CARS1: variants seen among roughly 807,000 people sequenced by gnomAD.
CARS1 encodes cysteinyl-tRNA synthetase 1, also known as cysteine--tRNA ligase, cytoplasmic.
A neutral mutation model predicts 106.2 loss-of-function variants in CARS1; 48 were observed. The observed-to-expected ratio is 0.45, with a 90% CI of 0.36 to 0.57. The LOEUF is 0.57. CARS1 is among the 20% of genes least tolerant of loss of function. The pLI, the probability that CARS1 is intolerant of heterozygous loss-of-function variation, is 0.00. For missense variants in CARS1, 968 were observed against 1,057.2 expected (o/e 0.92, Z 1.17); for synonymous variants, 409 against 403.4 (o/e 1.01, Z -0.17).
Position 3,039,862 on chromosome 11 carries a change from G to T in CARS1, c.525C>A (p.Cys175Ter). 1 of 1,568,536 alleles carries T rather than the reference G, an allele frequency of 6.4e-7. No homozygotes were observed. The highest frequency in any genetic ancestry group is 8.7e-7 in the Non-Finnish European group (1 of 1,150,052). The change falls in exon 5 of 23, where the codon TGC (cysteine) becomes TGA (stop). Residue 175 changes from cysteine to a stop codon, truncating the protein, a stop_gained. Transcript: ENST00000380525. LOFTEE classifies it high-confidence loss of function. This position sits in a 1 kb window ranked among gnomAD's most constrained non-coding sequence, Gnocchi z 5.6. Reference sequence around the variant, plus strand: ...TGTCATCAATATCCGTAATGTTCATGCAATAAAAGACATCAAATTTGAAGT... The same window carrying T: ...TGTCATCAATATCCGTAATGTTCATTCAATAAAAGACATCAAATTTGAAGT... ...KDYFKFDVFY[C>*]MNITDIDDKI...
chr11:3,005,517 G>C, intron 19 of CARS1, 84 bp from the exon 20 acceptor site: 1 of 1,054,520 alleles, frequency 9.5e-7, no homozygotes, highest in Admixed American at 2.0e-5. Flanking sequence ...GCCCTGCCCT[G>C]CCCAGACCAT....
chr11:3,042,032 A>T lies in CARS1; in HGVS notation c.366+133T>A, dbSNP rs1044838870. ...AACATGGAAGTGACTGAAGGATCTT[A>T]AACCTGGATTTATGGAACTCCAGAT... On this transcript the variant is annotated intron_variant, in intron 3 of 22. Transcript: ENST00000380525. The T allele has an allele frequency of 1.1e-5, 7 of 632,510 alleles. No individual in the cohort carries two copies. The African/African-American group carries it at 1.1e-4, about 10-fold the overall frequency. 39.2% of individuals were successfully genotyped at this position (632,510 alleles called of 1,614,324 possible).
At chr11:3,013,222 G>A (rs1015606035) in intron 17 of CARS1, among the ~76,000 whole-genome samples, 29 of 150,738 alleles carry the variant, frequency 1.9e-4, no homozygotes, top group Non-Finnish European at 4.1e-4. Flanking sequence ...TGGCGATCTC[G>A]GCTCACCGCA....
intron 10 of CARS1, among the ~76,000 whole-genome samples, chr11:3,023,671 G>C (rs1261512756): frequency 6.8e-6 from 1 of 148,120 alleles, no homozygotes; most frequent in Non-Finnish European, 1.5e-5. Context: ...CTGAATTATA[G>C]GCATGAGCTA....
At chr11:3,006,212 G>A (rs1022086083) in intron 19 of CARS1, among the ~76,000 whole-genome samples, 1 of 152,170 alleles carries the variant, frequency 6.6e-6, no homozygotes, top group African/African-American at 2.4e-5. Flanking sequence ...TTAGGAGGCC[G>A]AGGTGGGCAG....
rs762516030 is a variant in CARS1, at chr11:3,038,012, A to G, written c.801+38T>C. The G allele has an allele frequency of 6.3e-7, 1 of 1,592,748 alleles. No homozygotes were observed. Among genetic ancestry groups the G allele is most frequent in the Middle Eastern group, 1.7e-4 (1 of 5,838 alleles). ...CAGTCTATGCACGGCCCGACATTTGACCCGAACGGGCTGTCTGGGAGATGT... is the reference window on the plus strand; with the variant it reads ...CAGTCTATGCACGGCCCGACATTTGGCCCGAACGGGCTGTCTGGGAGATGT... On this transcript the variant is annotated intron_variant, in intron 7 of 22. Transcript: ENST00000380525. This position sits in a 1 kb window ranked among gnomAD's most constrained non-coding sequence, Gnocchi z 4.0.
chr11:3,001,002 AATTT>A lies in CARS1; in HGVS notation c.*108_*111del. On this transcript the variant is annotated 3_prime_UTR_variant, in exon 23 of 23. Transcript: ENST00000380525. Reference sequence around the variant, plus strand: ...ACGAACCTACATGAACACAACTCTTAATTTAGGACCCAAGGGTGACTGTAAACAT... The same window carrying A: ...ACGAACCTACATGAACACAACTCTTAAGGACCCAAGGGTGACTGTAAACAT... 8.1e-7 allele frequency: 1 copy of A among 1,235,372 alleles called. No homozygotes were observed. Among genetic ancestry groups the A allele is most frequent in the Non-Finnish European group, 1.1e-6 (1 of 873,394 alleles). The allele number at this position is 1,235,372 out of a possible 1,614,324, so 76.5% of individuals were successfully genotyped here.
At chr11:3,007,019 T>G in intron 18 of CARS1, 60 bp from the exon 19 acceptor site, 12 of 1,289,994 alleles carry the variant, frequency 9.3e-6, no homozygotes, top group Non-Finnish European at 1.2e-5. Context: ...ACACAACCAG[T>G]GCCTCCTCCA....
Position 3,040,417 on chromosome 11 carries a change from T to G in CARS1, c.455+479A>C. 1 of 413,144 alleles carries G rather than the reference T, an allele frequency of 2.4e-6. No homozygotes were observed. The highest frequency in any genetic ancestry group is 4.8e-6 in the Non-Finnish European group (1 of 208,982). 25.6% of individuals were successfully genotyped at this position (413,144 alleles called of 1,614,324 possible). A position where few individuals can be genotyped will look rare whatever the true frequency, so the allele number is the denominator to read the frequency against. ...TGACCTTGGCACTGCAACTAAAACATGAACACATAAAAGGACTCTGTGGCA... is the reference window on the plus strand; with the variant it reads ...TGACCTTGGCACTGCAACTAAAACAGGAACACATAAAAGGACTCTGTGGCA... On this transcript the variant is annotated intron_variant, in intron 4 of 22. Coordinates refer to ENST00000380525, the MANE Select transcript of CARS1 (RefSeq NM_001014437.3). The surrounding 1 kb of genome is among the most constrained non-coding windows in gnomAD (Gnocchi z 5.8).
Position 3,048,101 on chromosome 11 carries a change from A to G in CARS1, c.26-100T>C. On this transcript the variant is annotated intron_variant, in intron 1 of 22. Transcript: ENST00000380525. This position sits in a 1 kb window ranked among gnomAD's most constrained non-coding sequence, Gnocchi z 5.1. ...GGGGATGGCACAGAACCAAGGAAAA[A>G]GGTGTTCAAGCCCTTCCCTGGACGC... 3.5e-6 allele frequency: 5 copies of G among 1,432,640 alleles called. No homozygotes were observed. Among genetic ancestry groups the G allele is most frequent in the Non-Finnish European group, 2.8e-6 (3 of 1,063,240 alleles). The allele number at this position is 1,432,640 out of a possible 1,614,324, so 88.7% of individuals were successfully genotyped here.
At position 3,040,064 on chromosome 11, in the gene CARS1, C is replaced by G. The variant is rs1015344207; in HGVS notation, c.456-133G>C. 1 of 561,548 alleles carries G rather than the reference C, an allele frequency of 1.8e-6. No homozygotes were observed. Among genetic ancestry groups the G allele is most frequent in the Non-Finnish European group, 3.1e-6 (1 of 321,458 alleles). 34.8% of individuals were successfully genotyped at this position (561,548 alleles called of 1,614,324 possible). On this transcript the variant is annotated intron_variant, in intron 4 of 22. Transcript: ENST00000380525. This position sits in a 1 kb window ranked among gnomAD's most constrained non-coding sequence, Gnocchi z 5.8. ...GCCATCCCTGAAACAGCAAGACCCC[C>G]CCTTCTCCTCCTCAGTCTACTCAAC...
intron 10 of CARS1, among the ~76,000 whole-genome samples, chr11:3,024,191 C>T (rs1473184801): frequency 7.9e-5 from 12 of 152,084 alleles, no homozygotes; most frequent in African/African-American, 2.2e-4. Flanking sequence ...GCACCCGGCA[C>T]CTCACTTATT....
chr11:3,031,843 C>T (rs1852807006), intron 7 of CARS1, among the ~76,000 whole-genome samples: 1 of 152,136 alleles, frequency 6.6e-6, no homozygotes, highest in African/African-American at 2.4e-5. Flanking sequence ...CATAGGGGAC[C>T]CCATACTTTT....
intron 1 of CARS1, among the ~76,000 whole-genome samples, chr11:3,056,783 G>C (rs1178853010): frequency 6.6e-6 from 1 of 152,302 alleles, no homozygotes; most frequent in East Asian, 1.9e-4. Flanking sequence ...TGGGGCAAGA[G>C]GGAGCGAGGG....
rs1851190297 is a variant in CARS1, at chr11:3,017,788, G to A, written c.1727+69C>T. On this transcript the variant is annotated intron_variant, in intron 15 of 22. Transcript: ENST00000380525. The surrounding 1 kb of genome is among the most constrained non-coding windows in gnomAD (Gnocchi z 4.9). ...CCTCGACAGTCCAGGACACATGGTG[G>A]CCAAGATGCGAGGCTAGGCATAGAA... 5.9e-6 allele frequency: 6 copies of A among 1,018,312 alleles called. No homozygotes were observed. In the South Asian group the frequency reaches 7.8e-5, roughly 13 times the overall value. The allele number at this position is 1,018,312 out of a possible 1,614,324, so 63.1% of individuals were successfully genotyped here. A position where few individuals can be genotyped will look rare whatever the true frequency, so the allele number is the denominator to read the frequency against.
At position 3,029,723 on chromosome 11, in the gene CARS1, G is replaced by T; in HGVS notation, c.802-280C>A. ...AAAAGAGGTGGGAGGGCCGAGGTGG[G>T]CCTGGTGAGCATGTGCAGCCTACCT... On this transcript the variant is annotated intron_variant, in intron 7 of 22. Transcript: ENST00000380525. This position sits in a 1 kb window ranked among gnomAD's most constrained non-coding sequence, Gnocchi z 5.9. 1 of 477,598 alleles carries T rather than the reference G, an allele frequency of 2.1e-6. No homozygotes were observed. The allele number at this position is 477,598 out of a possible 1,614,324, so 29.6% of individuals were successfully genotyped here. A position where few individuals can be genotyped will look rare whatever the true frequency, so the allele number is the denominator to read the frequency against.
chr11:3,006,255 G>T (rs7109088), intron 19 of CARS1, among the ~76,000 whole-genome samples: 65,731 of 151,968 alleles, frequency 0.43, 14,816 homozygotes, highest in African/African-American at 0.54. Context: ...ACACTAGCCT[G>T]GTCAACACAG....
chr11:3,047,639 G>C (rs1855234475), intron 2 of CARS1, 114 bp downstream of exon 2: 1 of 1,400,902 alleles, frequency 7.1e-7, no homozygotes, highest in African/African-American at 1.4e-5. Context: ...ACACACTTGG[G>C]CGAGGCTCCC....
intron 1 of CARS1, chr11:3,054,996 G>A: frequency 1.4e-6 from 1 of 702,502 alleles, no homozygotes; most frequent in Non-Finnish European, 2.6e-6. Flanking sequence ...CAGGCTCTTG[G>A]ACAGGCACCA....
Sources: gnomAD v4.1 joint callset for allele counts (sites outside exome capture counted in the v4.1 genomes callset) on GRCh38, gnomAD v4.1.1 for gene constraint, Gnocchi (gnomAD v3.1) non-coding constraint, MANE v1.5 for transcripts, NCBI Gene and HGNC (gene_info 2026-07-23, HGNC 2026-07-21) for gene names.